The following SMG5 variants were observed in gnomAD, a reference collection of about 807,000 sequenced individuals.
SMG5 encodes the protein nonsense-mediated mRNA decay factor SMG5.
Under a neutral mutation model 122.9 loss-of-function variants are expected in SMG5, and 53 were observed. The observed-to-expected ratio is 0.43, with a 90% CI of 0.35 to 0.54. SMG5 has a LOEUF of 0.54. SMG5 is among the 20% of genes least tolerant of loss of function. SMG5 has a pLI of 0.01. For synonymous variants in SMG5, 477 were observed against 490.2 expected (o/e 0.97, Z 0.35); for missense variants, 1,153 against 1,285.6 (o/e 0.90, Z 1.58).
At chr1:156,280,384 G>A (rs1662883988) in intron 1 of SMG5, among the ~76,000 whole-genome samples, 1 of 152,194 alleles carries the variant, frequency 6.6e-6, no homozygotes, top group Non-Finnish European at 1.5e-5. Flanking sequence ...TGGCTCAGGA[G>A]GCACACTACT....
intron 17 of SMG5, 55 bp from the exon 18 acceptor site, chr1:156,253,133 G>A (rs953735416): frequency 5.0e-5 from 75 of 1,505,420 alleles, no homozygotes; most frequent in Admixed American, 8.9e-5. Flanking sequence ...CAGCCGGGCC[G>A]GGGGAAGAGT....
At position 156,249,419 on chromosome 1, in the gene SMG5, TC is replaced by T. The variant is rs200620504; in HGVS notation, c.*1167del. On this transcript the variant is annotated 3_prime_UTR_variant, in exon 22 of 22. Coordinates refer to ENST00000361813, the MANE Select transcript of SMG5 (RefSeq NM_015327.3). ...GGTGGGGGCAGCAGAGCTGAGACCC[TC>T]CACCCCGAGCCCCTAGCCTGTGCTA... The T allele has an allele frequency of 1.7e-3, 528 of 307,416 alleles. 4 individuals carry two copies. Among genetic ancestry groups the T allele is most frequent in the African/African-American group, 0.011 (513 of 46,058 alleles). The allele number at this position is 307,416 out of a possible 1,614,324, so 19.0% of individuals were successfully genotyped here.
chr1:156,289,435 C>T, the SMG5 span, among the ~76,000 whole-genome samples: 1 of 152,144 alleles, frequency 6.6e-6, no homozygotes, highest in Admixed American at 6.5e-5. Flanking sequence ...GGTGAAACCA[C>T]GTCTCTACTA....
intron 1 of SMG5, 102 bp from the exon 2 acceptor site, chr1:156,279,136 G>T: frequency 1.0e-6 from 1 of 984,606 alleles, no homozygotes; most frequent in Non-Finnish European, 1.6e-6. Context: ...AATTAGCGGT[G>T]AGGGAAAAAG....
chr1:156,256,851 G>A (rs1171235345), intron 16 of SMG5, among the ~76,000 whole-genome samples: 1 of 151,910 alleles, frequency 6.6e-6, no homozygotes, highest in Non-Finnish European at 1.5e-5. Flanking sequence ...CAACTCCAGA[G>A]CCCTGGCTCT....
At position 156,265,927 on chromosome 1, in the gene SMG5, A is replaced by G; in HGVS notation, c.1709T>C (p.Met570Thr). The change falls in exon 12 of 22, where the codon ATG becomes ACG. Residue 570 changes from methionine (M) to threonine (T), a missense_variant. Met to Thr is a moderately conservative substitution (Grantham distance 81). This residue lies in a region of SMG5 where 631 missense variants were observed against 650.6 expected (regional missense o/e 0.97). Coordinates refer to ENST00000361813, the MANE Select transcript of SMG5 (RefSeq NM_015327.3). ...CTTAGTCTGGAACATCTGGGTGGAC[A>G]TGGCTTGTAGATTGCTGGCAATGCT... ...EASIASNLQA[M>T]STQMFQTKRC... The G allele has an allele frequency of 1.2e-6, 2 of 1,614,196 alleles. No homozygotes were observed. The highest frequency in any genetic ancestry group is 1.7e-6 in the Non-Finnish European group (2 of 1,180,014).
chr1:156,249,503 A>C lies in SMG5; in HGVS notation c.*1084T>G. On this transcript the variant is annotated 3_prime_UTR_variant, in exon 22 of 22. Coordinates refer to ENST00000361813, the MANE Select transcript of SMG5 (RefSeq NM_015327.3). Reference sequence around the variant, plus strand: ...ATCCTGGCTGCAGCCTCCCACACACAGCCCTGCTCTTGGTGCGCCATTCAC... The same window carrying C: ...ATCCTGGCTGCAGCCTCCCACACACCGCCCTGCTCTTGGTGCGCCATTCAC... 1 of 351,140 alleles carries C rather than the reference A, an allele frequency of 2.8e-6. No homozygotes were observed. Among genetic ancestry groups the C allele is most frequent in the South Asian group, 2.1e-5 (1 of 46,518 alleles). The allele number at this position is 351,140 out of a possible 1,614,324, so 21.8% of individuals were successfully genotyped here.
At position 156,258,981 on chromosome 1, in the gene SMG5, C is replaced by A. The variant is rs60482881; in HGVS notation, c.2442+24G>T. On this transcript the variant is annotated intron_variant, in intron 16 of 21. Transcript: ENST00000361813. ...GTGAGCCCAATGGGAGCAGAGCTGA[C>A]GGGGAGGGGAAGGCCTGACTCACCA... The A allele has an allele frequency of 4.3e-6, 7 of 1,612,274 alleles. No individual in the cohort carries two copies. In the Admixed American group the frequency reaches 6.7e-5, roughly 15 times the overall value.
upstream of SMG5, chr1:156,286,566 C>A: frequency 7.7e-7 from 1 of 1,301,170 alleles, no homozygotes; most frequent in African/African-American, 1.5e-5. Context: ...CAGGAGCTTT[C>A]CGGATTCTAC....
rs1309598178 is a variant in SMG5, at chr1:156,273,713, GTTTTCTT to G, written c.545-270_545-264del. On this transcript the variant is annotated intron_variant, in intron 5 of 21. Transcript: ENST00000361813. ...AAATAAGCTCTTCTTTTTTTGTTTTGTTTTCTTTTTTTTTTTTTTTTTTTTTAGAGAC... is the reference window on the plus strand; with the variant it reads ...AAATAAGCTCTTCTTTTTTTGTTTTGTTTTTTTTTTTTTTTTTTTAGAGAC... Among the ~76,000 whole-genome samples, 360 of 126,714 alleles carry G rather than the reference GTTTTCTT, an allele frequency of 2.8e-3. 1 individual carries two copies. The highest frequency in any genetic ancestry group is 9.7e-3 in the African/African-American group (346 of 35,696). 83.1% of individuals were successfully genotyped at this position (126,714 alleles called of 152,430 possible). A position where few individuals can be genotyped will look rare whatever the true frequency, so the allele number is the denominator to read the frequency against.
chr1:156,258,270 T>C (rs539978803), intron 16 of SMG5, among the ~76,000 whole-genome samples: 1 of 152,324 alleles, frequency 6.6e-6, no homozygotes, highest in South Asian at 2.1e-4. Flanking sequence ...GAGGGAGCAT[T>C]TGCTAGGCAC....
chr1:156,251,334 C>G, intron 20 of SMG5, 69 bp downstream of exon 20: 1 of 1,555,856 alleles, frequency 6.4e-7, no homozygotes, highest in Non-Finnish European at 8.9e-7. Flanking sequence ...TACCCGTTCT[C>G]CCTAGGAATG....
the SMG5 span, among the ~76,000 whole-genome samples, chr1:156,289,331 G>A: frequency 1.3e-4 from 19 of 149,548 alleles, no homozygotes; most frequent in South Asian, 3.4e-3. Context: ...AAAATTAGCC[G>A]GGTGTGGTGA....
At position 156,258,795 on chromosome 1, in the gene SMG5, T is replaced by TA. The variant is rs543913594; in HGVS notation, c.2442+209dup. On this transcript the variant is annotated intron_variant, in intron 16 of 21. Transcript: ENST00000361813. ...GGCAACAGAGTGGGACTCCATCTCA[T>TA]AAAAAAAAAAAAAACCCCTCTCAGT... is the stretch of plus-strand genomic sequence containing the variant. Among the ~76,000 whole-genome samples the TA allele has an allele frequency of 3.1e-3, 413 of 134,596 alleles. 2 individuals are homozygous for TA. The highest frequency in any genetic ancestry group is 0.011 in the South Asian group (45 of 4,080). The allele number at this position is 134,596 out of a possible 152,430, so 88.3% of individuals were successfully genotyped here.
chr1:156,266,622 C>G lies in SMG5; in HGVS notation c.1174G>C (p.Val392Leu), dbSNP rs759605100. ...TGCAGCCGTATGTTGACATGATTGA[C>G]GAGGTGGGAAAAGAGGGCCAGGGTG... is the stretch of plus-strand genomic sequence containing the variant. ...AFTLALFSHL[V>L]NHVNIRLQAE... Residue 392 changes from valine (V) to leucine (L), a missense_variant, in exon 11 of 22, where the codon GTC (valine) becomes CTC (leucine). Val to Leu is a conservative substitution (Grantham distance 32, BLOSUM62 1). Around this residue, in one of 5 missense-constraint regions of SMG5, gnomAD observed 631 missense variants for 650.6 expected, o/e 0.97. Coordinates refer to ENST00000361813, the MANE Select transcript of SMG5 (RefSeq NM_015327.3). 1 of 1,614,080 alleles carries G rather than the reference C, an allele frequency of 6.2e-7. No individual in the cohort carries two copies. The highest frequency in any genetic ancestry group is 8.5e-7 in the Non-Finnish European group (1 of 1,180,022).
chr1:156,283,809 A>C (rs1258737069), upstream of SMG5, among the ~76,000 whole-genome samples: 4 of 152,096 alleles, frequency 2.6e-5, no homozygotes, highest in African/African-American at 9.7e-5. Flanking sequence ...CATACTCCTG[A>C]TTTCCCATCA....
chr1:156,250,672 T>C lies in SMG5; in HGVS notation c.2968-2A>G. On this transcript the variant is annotated splice_acceptor_variant, in intron 21 of 21. Coordinates refer to ENST00000361813, the MANE Select transcript of SMG5 (RefSeq NM_015327.3). LOFTEE classifies it high-confidence loss of function. ...GTGGGCAGCGGCCTGCAGGGCTGCC[T>C]GTGGAATGGGAGAAGGAAAGATGGA... is the stretch of plus-strand genomic sequence containing the variant. The C allele has an allele frequency of 6.2e-7, 1 of 1,613,788 alleles. No individual in the cohort carries two copies. Among genetic ancestry groups the C allele is most frequent in the East Asian group, 2.2e-5 (1 of 44,872 alleles).
intron 1 of SMG5, among the ~76,000 whole-genome samples, chr1:156,282,312 G>T (rs754765256): frequency 3.2e-4 from 49 of 152,014 alleles, no homozygotes; most frequent in Non-Finnish European, 5.4e-4. Context: ...AACCCTTCCA[G>T]CCTTCAATTC....
At position 156,260,606 on chromosome 1, in the gene SMG5, C is replaced by T; in HGVS notation, c.2128G>A (p.Val710Ile). The T allele has an allele frequency of 4.6e-6, 7 of 1,513,742 alleles. No individual in the cohort carries two copies. Among genetic ancestry groups the T allele is most frequent in the Non-Finnish European group, 6.2e-6 (7 of 1,135,740 alleles). 93.8% of individuals were successfully genotyped at this position (1,513,742 alleles called of 1,614,324 possible). A position where few individuals can be genotyped will look rare whatever the true frequency, so the allele number is the denominator to read the frequency against. The part of the protein sequence containing the change: ...QESGLALCPE[V>I]QDLLEGCELP... ...TCACAACCTTCAAGAAGATCTTGGA[C>T]CTCAGGACACAAGGCCAGGCCTGGG... is the stretch of plus-strand genomic sequence containing the variant. The change falls in exon 15 of 22, where the codon GTC (valine) becomes ATC (isoleucine). Residue 710 changes from valine (V) to isoleucine (I), a missense_variant. Transcript: ENST00000361813.
Sources: allele counts gnomAD v4.1 joint callset (sites outside exome capture counted in the v4.1 genomes callset), GRCh38; gene constraint gnomAD v4.1.1; regional missense constraint gnomAD v4.1.1; transcripts MANE v1.5; gene names NCBI Gene and HGNC (gene_info 2026-07-23, HGNC 2026-07-21).